The following PKD1L1 variants were observed in gnomAD, a reference collection of about 807,000 sequenced individuals.
PKD1L1 encodes the protein polycystin 1 like 1, transient receptor potential channel interacting.
PKD1L1 carries 236 observed loss-of-function variants against 323.4 expected under a neutral mutation model. The ratio of observed to expected loss-of-function variants is 0.73; its 90% CI spans 0.66 to 0.81. The LOEUF is 0.81. Ranked by LOEUF, PKD1L1 falls within the 40% of genes least tolerant of loss-of-function variation. The probability of loss-of-function intolerance (pLI) is 0.00; values close to 1 mark genes in which losing one functional copy is unlikely to be tolerated. For synonymous variants in PKD1L1, 1,344 were observed against 1,335.0 expected, an observed-to-expected ratio of 1.01 and a Z score of -0.15; for missense variants, 3,320 against 3,508.0, an observed-to-expected ratio of 0.95 and a Z score of 1.35.
At chr7:47,776,460 C>G (rs1786571178) in intron 56 of PKD1L1, among the ~76,000 whole-genome samples, 1 of 152,258 alleles carries the variant, frequency 6.6e-6, no homozygotes, top group Non-Finnish European at 1.5e-5. Flanking sequence ...AGCTCCAGCT[C>G]TGATGCACCC....
Position 47,840,420 on chromosome 7 carries a change from C to T in PKD1L1, c.5552+41G>A, listed in dbSNP as rs1562954741. The T allele has an allele frequency of 1.4e-6, 2 of 1,453,938 alleles. No individual in the cohort carries two copies. The highest frequency in any genetic ancestry group is 4.5e-5 in the East Asian group (2 of 44,008). The allele number at this position is 1,453,938 out of a possible 1,614,324, so 90.1% of individuals were successfully genotyped here. ...ATAAGGTTACACCAATTCTGATTGGCCTCTCTTTCCCAAATCTAGCAGTGA... is the reference window on the plus strand; with the variant it reads ...ATAAGGTTACACCAATTCTGATTGGTCTCTCTTTCCCAAATCTAGCAGTGA... On this transcript the variant is annotated intron_variant, in intron 35 of 56. Coordinates refer to ENST00000289672, the MANE Select transcript of PKD1L1 (RefSeq NM_138295.5). This position sits in a 1 kb window ranked among gnomAD's most constrained non-coding sequence, Gnocchi z 4.1.
chr7:47,929,153 T>C (rs1341929369), intron 7 of PKD1L1, 51 bp downstream of exon 7: 17 of 1,550,394 alleles, frequency 1.1e-5, no homozygotes, highest in East Asian at 2.3e-5. Flanking sequence ...TTGGGTCCCC[T>C]AGCTCAGGAC....
At chr7:47,890,054 G>A (rs1240096409) in intron 16 of PKD1L1, among the ~76,000 whole-genome samples, 2 of 152,230 alleles carry the variant, frequency 1.3e-5, no homozygotes, top group Non-Finnish European at 2.9e-5. Flanking sequence ...AGGGGTTCTG[G>A]GTTTGGGGCA....
intron 1 of PKD1L1, among the ~76,000 whole-genome samples, chr7:47,948,054 G>A (rs1017356682): frequency 6.6e-6 from 1 of 152,188 alleles, no homozygotes; most frequent in African/African-American, 2.4e-5. Context: ...AAGGGACCTA[G>A]CAGACAAGCA....
chr7:47,813,061 A>T, intron 49 of PKD1L1, 60 bp downstream of exon 49: 6 of 1,566,290 alleles, frequency 3.8e-6, no homozygotes, highest in Non-Finnish European at 5.2e-6. Flanking sequence ...TCCAGCAGGC[A>T]CCAGAGCTGG....
At chr7:47,911,155 A>G (rs1249403659) in intron 8 of PKD1L1, among the ~76,000 whole-genome samples, 1 of 152,168 alleles carries the variant, frequency 6.6e-6, no homozygotes, top group East Asian at 1.9e-4. Context: ...GTTTAGTACC[A>G]TCCTTTGGTG....
chr7:47,789,612 C>A (rs6948192), intron 56 of PKD1L1, among the ~76,000 whole-genome samples: 3,733 of 152,102 alleles, frequency 0.025, 156 homozygotes, highest in African/African-American at 0.086. Context: ...TTGAGCTGAA[C>A]ACACACTTAG....
Position 47,840,361 on chromosome 7 carries a change from C to T in PKD1L1, c.5552+100G>A. On this transcript the variant is annotated intron_variant, in intron 35 of 56. Transcript: ENST00000289672. The surrounding 1 kb of genome is among the most constrained non-coding windows in gnomAD (Gnocchi z 4.1). The stretch of plus-strand genomic sequence containing the variant: ...ATAAATCGATGCTCACTATTAGAGA[C>T]CAATGTTATGTATTCTACTGTTTTG... 1 of 777,976 alleles carries T rather than the reference C, an allele frequency of 1.3e-6. No individual in the cohort carries two copies. The highest frequency in any genetic ancestry group is 2.3e-5 in the Admixed American group (1 of 43,382). 48.2% of individuals were successfully genotyped at this position (777,976 alleles called of 1,614,324 possible).
chr7:47,902,586 C>T (rs1787116994), intron 12 of PKD1L1, 75 bp from the exon 13 acceptor site: 2 of 1,494,872 alleles, frequency 1.3e-6, no homozygotes, highest in Non-Finnish European at 1.8e-6. Context: ...TCTTCATACC[C>T]ACTCATATCT....
chr7:47,870,984 GA>G (rs57805873), intron 24 of PKD1L1, among the ~76,000 whole-genome samples: 34,606 of 86,194 alleles, frequency 0.4, 4,332 homozygotes, highest in Non-Finnish European at 0.42. Context: ...AAAAAAAAAA[GA>G]AAAAAAAAAA....
chr7:47,845,148 T>C (rs1785639026), intron 32 of PKD1L1, 70 bp from the exon 33 acceptor site: 1 of 1,277,470 alleles, frequency 7.8e-7, no homozygotes, highest in Non-Finnish European at 1.1e-6. Context: ...TAATGGCATG[T>C]TGGTTAAAGG....
chr7:47,840,363 A>G lies in PKD1L1; in HGVS notation c.5552+98T>C. The G allele has an allele frequency of 1.3e-6, 1 of 789,156 alleles. No individual in the cohort carries two copies. Among genetic ancestry groups the G allele is most frequent in the Non-Finnish European group, 2.1e-6 (1 of 469,722 alleles). 48.9% of individuals were successfully genotyped at this position (789,156 alleles called of 1,614,324 possible). A position where few individuals can be genotyped will look rare whatever the true frequency, so the allele number is the denominator to read the frequency against. ...AAATCGATGCTCACTATTAGAGACC[A>G]ATGTTATGTATTCTACTGTTTTGTA... is the stretch of plus-strand genomic sequence containing the variant. On this transcript the variant is annotated intron_variant, in intron 35 of 56. Coordinates refer to ENST00000289672, the MANE Select transcript of PKD1L1 (RefSeq NM_138295.5). The surrounding 1 kb of genome is among the most constrained non-coding windows in gnomAD (Gnocchi z 4.1).
rs1346052036 is a variant in PKD1L1 at position 47,879,646 on chromosome 7, A to AC, written c.3520+1081_3520+1082insG. On this transcript the variant is annotated intron_variant, in intron 21 of 56. Transcript: ENST00000289672. ...AGACTTTGTCTCAAAAAAAAAAAAAAAAAAAGGCCAGGCACGGTGGCTCAC... is the reference window on the plus strand; with the variant it reads ...AGACTTTGTCTCAAAAAAAAAAAAAACAAAAAGGCCAGGCACGGTGGCTCAC... Among the ~76,000 whole-genome samples, 2 of 145,614 alleles carry AC rather than the reference A, an allele frequency of 1.4e-5. 1 individual carries two copies. Among genetic ancestry groups the AC allele is most frequent in the African/African-American group, 5.2e-5 (2 of 38,178 alleles).
At chr7:47,809,365 A>G (rs561641417) in intron 51 of PKD1L1, 108 bp downstream of exon 51, 1 of 787,252 alleles carries the variant, frequency 1.3e-6, no homozygotes, top group Admixed American at 3.0e-5. Context: ...AAACTGCAAT[A>G]ATGTTGGCAG....
intron 6 of PKD1L1, 85 bp downstream of exon 6, chr7:47,931,019 T>A (rs949143424): frequency 7.4e-7 from 1 of 1,343,596 alleles, no homozygotes; most frequent in African/African-American, 1.5e-5. Context: ...ACGAAGATAC[T>A]AAAATCACTA....
At chr7:47,863,873 C>A (rs1267713992) in intron 26 of PKD1L1, among the ~76,000 whole-genome samples, 1 of 152,076 alleles carries the variant, frequency 6.6e-6, no homozygotes, top group Non-Finnish European at 1.5e-5. Flanking sequence ...AACACACACA[C>A]AAACAAGAGG....
At chr7:47,888,205 G>T in intron 16 of PKD1L1, 55 bp from the exon 17 acceptor site, 1 of 1,536,682 alleles carries the variant, frequency 6.5e-7, no homozygotes, top group Non-Finnish European at 8.9e-7. Flanking sequence ...GGGTTCTTTG[G>T]TCACATTAAT....
chr7:47,923,544 T>A (rs10241861), intron 7 of PKD1L1, among the ~76,000 whole-genome samples: 18,668 of 151,008 alleles, frequency 0.12, 3,766 homozygotes, highest in African/African-American at 0.42. Flanking sequence ...AAATAAATTT[T>A]AAAAAAAACA....
At chr7:47,890,061 G>A (rs1196752069) in intron 16 of PKD1L1, among the ~76,000 whole-genome samples, 4 of 152,200 alleles carry the variant, frequency 2.6e-5, no homozygotes, top group African/African-American at 9.6e-5. Context: ...CTGGGTTTGG[G>A]GCACATCACT....
Sources: allele counts gnomAD v4.1 joint callset (sites outside exome capture counted in the v4.1 genomes callset), GRCh38; gene constraint gnomAD v4.1.1; non-coding constraint Gnocchi (gnomAD v3.1); transcripts MANE v1.5; gene names NCBI Gene and HGNC (gene_info 2026-07-23, HGNC 2026-07-21).